IQSEC1: variants seen among roughly 807,000 people sequenced by gnomAD.
IQSEC1 encodes the protein IQ motif and SEC7 domain-containing protein 1.
IQSEC1 carries 31 observed loss-of-function variants against 91.0 expected under a neutral mutation model. The observed-to-expected ratio is 0.34, with a 90% confidence interval of 0.26 to 0.46. The LOEUF (loss-of-function observed/expected upper bound fraction) is 0.46. Among genes scored for constraint, IQSEC1 ranks in the 20% least tolerant of loss-of-function variants. The pLI, the probability that IQSEC1 is intolerant of heterozygous loss-of-function variation, is 1.00. For synonymous variants in IQSEC1, 699 were observed against 662.6 expected, an observed-to-expected ratio of 1.05 and a Z score of -0.84; for missense variants, 1,388 against 1,575.6, an observed-to-expected ratio of 0.88 and a Z score of 2.02.
chr3:13,199,221 G>C (rs562278132), intron 1 of IQSEC1, among the ~76,000 whole-genome samples: 1 of 152,352 alleles, frequency 6.6e-6, no homozygotes, highest in South Asian at 2.1e-4. Flanking sequence ...GGATGGAAGA[G>C]AGCTGGGGCA....
intron 1 of IQSEC1, among the ~76,000 whole-genome samples, chr3:13,180,382 TA>T (rs558720195): frequency 5.9e-4 from 90 of 151,492 alleles, no homozygotes; most frequent in African/African-American, 2.1e-3. Flanking sequence ...CCACACTCTG[TA>T]TCTAGCTAAT....
At chr3:13,187,064 CCT>C (rs771182804) in intron 1 of IQSEC1, among the ~76,000 whole-genome samples, 56 of 152,134 alleles carry the variant, frequency 3.7e-4, no homozygotes, top group Non-Finnish European at 6.0e-4. Flanking sequence ...CCTTTCTATC[CCT>C]CTTACTTTCT....
intron 1 of IQSEC1, among the ~76,000 whole-genome samples, chr3:12,956,088 A>T (rs1699887358): frequency 1.3e-5 from 2 of 152,182 alleles, no homozygotes; most frequent in African/African-American, 4.8e-5. Flanking sequence ...CCACTTGATA[A>T]CAGTCAGACA....
chr3:13,028,755 T>A (rs1703727201), intron 1 of IQSEC1, among the ~76,000 whole-genome samples: 1 of 152,248 alleles, frequency 6.6e-6, no homozygotes. Flanking sequence ...TCAGATCTTC[T>A]ATGCAAGGAA....
rs772341409 is a variant in IQSEC1 at position 13,145,105 on chromosome 3, C to T, written c.302+18999G>A. ...GAAGGGTGGGGGGGCTGGCATGAGC[C>T]CCCCCATCTGCTGAGGAATGAGTTA... is the stretch of plus-strand genomic sequence containing the variant. On this transcript the variant is annotated intron_variant, in intron 2 of 15. Coordinates refer to the IQSEC1 transcript ENST00000648114. Among the ~76,000 whole-genome samples the T allele has an allele frequency of 4.4e-4, 67 of 152,262 alleles. 1 individual carries two copies. Among genetic ancestry groups the T allele is most frequent in the Admixed American group, 1.4e-3 (22 of 15,298 alleles).
At chr3:12,907,567 T>TG (rs1463953247) in intron 12 of IQSEC1, among the ~76,000 whole-genome samples, 1 of 152,198 alleles carries the variant, frequency 6.6e-6, no homozygotes, top group Non-Finnish European at 1.5e-5. Context: ...CAACACAGCC[T>TG]GCAGCGGCAC....
chr3:13,267,587 C>T lies in IQSEC1; in HGVS notation c.272+15124G>A, dbSNP rs540690744. 2.0e-5 allele frequency among the ~76,000 whole-genome samples: 3 copies of T among 152,038 alleles called. No individual in the cohort carries two copies. The East Asian group carries it at 5.8e-4, about 29-fold the overall frequency. On this transcript the variant is annotated intron_variant, in intron 1 of 15. Transcript: ENST00000648114. ...CCCCCAGCCCTGTGCCCTTCTGGGG[C>T]CAGAGTCAGCAAATTTCTTTTTTTT...
chr3:12,988,494 G>A (rs533598012), intron 1 of IQSEC1, among the ~76,000 whole-genome samples: 4 of 152,284 alleles, frequency 2.6e-5, no homozygotes, highest in East Asian at 1.9e-4. Context: ...GGTGAATCTC[G>A]CAGATGCAAC....
At chr3:13,076,914 G>T (rs767676156), upstream of IQSEC1, among the ~76,000 whole-genome samples, 1 of 152,008 alleles carries the variant, frequency 6.6e-6, no homozygotes, top group Non-Finnish European at 1.5e-5. Flanking sequence ...TCTGTTTGGA[G>T]TGGATCCTTC....
intron 3 of IQSEC1, among the ~76,000 whole-genome samples, chr3:12,925,279 C>T (rs1009836945): frequency 6.6e-6 from 1 of 152,220 alleles, no homozygotes; most frequent in Non-Finnish European, 1.5e-5. Flanking sequence ...CGGGTAATAA[C>T]AGCAACCACA....
At chr3:12,903,063 T>G (rs1446102836) in intron 12 of IQSEC1, among the ~76,000 whole-genome samples, 1 of 152,132 alleles carries the variant, frequency 6.6e-6, no homozygotes, top group African/African-American at 2.4e-5. Context: ...AAAAAAATTC[T>G]TTTTTAAACC....
Position 12,901,342 on chromosome 3 carries a change from G to C in IQSEC1, c.2986C>G (p.His996Asp), listed in dbSNP as rs1243279198. 1.3e-6 allele frequency: 2 copies of C among 1,520,798 alleles called. No homozygotes were observed. Among genetic ancestry groups the C allele is most frequent in the Admixed American group, 3.9e-5 (2 of 50,788 alleles). 94.2% of individuals were successfully genotyped at this position (1,520,798 alleles called of 1,614,324 possible). ...AAGTGAGGCAGGACCACCGGTGGGT[G>C]GGGGGGTGGCAGGGCTGGGGCTGAG... The part of the protein sequence containing the change: ...LPSAPALPPP[H>D]PPVVLPHLQH... Residue 996 changes from histidine to aspartate, a missense_variant, in exon 14 of 14, where the codon CAC becomes GAC. Physicochemically the swap from His to Asp is moderately conservative, Grantham distance 81. Around this residue, in one of 2 missense-constraint regions of IQSEC1, gnomAD observed 329 missense variants for 257.8 expected, o/e 1.28. Transcript: ENST00000613206.
intron 1 of IQSEC1, among the ~76,000 whole-genome samples, chr3:12,954,446 T>G (rs956063961): frequency 1.3e-5 from 2 of 152,032 alleles, no homozygotes; most frequent in African/African-American, 4.8e-5. Context: ...CCCTGGGGCA[T>G]GTGGATGGCA....
chr3:13,041,317 G>A (rs1381274559), intron 1 of IQSEC1, among the ~76,000 whole-genome samples: 1 of 152,060 alleles, frequency 6.6e-6, no homozygotes, highest in Non-Finnish European at 1.5e-5. Flanking sequence ...CGCAGGACAG[G>A]CCTCTCTCGC....
At chr3:13,132,021 T>C (rs1441298664) in intron 2 of IQSEC1, among the ~76,000 whole-genome samples, 1 of 152,200 alleles carries the variant, frequency 6.6e-6, no homozygotes, top group African/African-American at 2.4e-5. Flanking sequence ...ATTTTTCTCT[T>C]TATGTGGGTA....
intron 1 of IQSEC1, among the ~76,000 whole-genome samples, chr3:13,212,648 G>A (rs911415182): frequency 2.6e-5 from 4 of 152,136 alleles, no homozygotes; most frequent in Non-Finnish European, 5.9e-5. Context: ...ATGAGGGCTC[G>A]TTTCTCCACG....
intron 1 of IQSEC1, among the ~76,000 whole-genome samples, chr3:13,038,957 G>A (rs980986603): frequency 2.6e-5 from 4 of 152,278 alleles, no homozygotes; most frequent in Non-Finnish European, 4.4e-5. Context: ...GGACTGTTTA[G>A]GCTTAGCTCT....
intron 1 of IQSEC1, among the ~76,000 whole-genome samples, chr3:13,237,709 G>C (rs960441068): frequency 2.0e-5 from 3 of 152,234 alleles, no homozygotes; most frequent in South Asian, 4.1e-4. Flanking sequence ...CCTCAGCTCC[G>C]CGGTCGGTTT....
At chr3:13,138,329 C>A (rs1322174930) in intron 2 of IQSEC1, among the ~76,000 whole-genome samples, 1 of 151,856 alleles carries the variant, frequency 6.6e-6, no homozygotes, top group African/African-American at 2.4e-5. Flanking sequence ...GGATTGGAAG[C>A]CTGGCAAGCA....
Sources: allele counts gnomAD v4.1 joint callset (sites outside exome capture counted in the v4.1 genomes callset), GRCh38; gene constraint gnomAD v4.1.1; regional missense constraint gnomAD v4.1.1; transcripts MANE v1.5; gene names NCBI Gene and HGNC (gene_info 2026-07-23, HGNC 2026-07-21).